The following RIPPLY2 variants were observed in gnomAD, a reference collection of about 807,000 sequenced individuals.
RIPPLY2 encodes the protein protein ripply2.
Under a neutral mutation model 17.7 loss-of-function variants are expected in RIPPLY2, and 20 were observed. That is an observed-to-expected ratio of 1.13 (90% confidence interval 0.79 to 1.64). RIPPLY2 has a LOEUF of 1.64. Ranked by LOEUF, RIPPLY2 falls within the 40% of genes most tolerant of loss-of-function variation. The pLI is 0.00. For synonymous variants in RIPPLY2, 69 were observed against 63.9 expected (o/e 1.08, Z -0.38); for missense variants, 213 against 169.8 (o/e 1.25, Z -1.41).
rs2099454512 is a variant in RIPPLY2, at chr6:83,853,479, C to T, written c.63C>T (p.Asp21=). 1.9e-6 allele frequency: 3 copies of T among 1,538,730 alleles called. No individual in the cohort carries two copies. The highest frequency in any genetic ancestry group is 2.6e-6 in the Non-Finnish European group (3 of 1,145,114). The change falls in exon 1 of 4, where the codon GAC becomes GAT. Residue 21 remains aspartate (D), a synonymous_variant. Coordinates refer to ENST00000369689, the MANE Select transcript of RIPPLY2 (RefSeq NM_001009994.3). The part of the protein sequence containing the change: ...ESGAAACAAT[D]GPTRRAGADS... ...GAGCTGCGGCGTGCGCGGCCACCGA[C>T]GGCCCTACGCGGCGCGCGGGCGCGG...
intron 3 of RIPPLY2, chr6:83,856,247 A>G (rs188163357): frequency 6.6e-6 from 1 of 152,320 alleles, no homozygotes; most frequent in East Asian, 1.9e-4. Flanking sequence ...ATTGATAGTT[A>G]CTTGTTTAAG....
chr6:83,853,715 C>T lies in RIPPLY2; in HGVS notation c.116C>T (p.Pro39Leu), dbSNP rs750611873. The T allele has an allele frequency of 8.7e-6, 14 of 1,613,786 alleles. No individual in the cohort carries two copies. The highest frequency in any genetic ancestry group is 1.2e-5 in the Non-Finnish European group (14 of 1,179,940). ...CGCAGATACGCAGGCTTCTGGAGAC[C>T]CTGGGTGGACGCCGGAGGCAAGAAA... ...ADSGYAGFWR[P>L]WVDAGGKKEE... is the part of the protein sequence containing the mutation. The change falls in exon 2 of 4, where the codon CCC becomes CTC. Residue 39 changes from proline to leucine, a missense_variant. Physicochemically the swap from Pro to Leu is moderately conservative, Grantham distance 98. Coordinates refer to ENST00000369689, the MANE Select transcript of RIPPLY2 (RefSeq NM_001009994.3).
chr6:83,853,730 G>A lies in RIPPLY2; in HGVS notation c.131G>A (p.Gly44Glu), dbSNP rs892815020. Reference sequence around the variant, plus strand: ...TTCTGGAGACCCTGGGTGGACGCCGGAGGCAAGAAAGAAGAGGAGACGCCG... The same window carrying A: ...TTCTGGAGACCCTGGGTGGACGCCGAAGGCAAGAAAGAAGAGGAGACGCCG... ...AGFWRPWVDA[G>E]GKKEEETPNH... Residue 44 changes from glycine to glutamate, a missense_variant, in exon 2 of 4, where the codon GGA becomes GAA. By Grantham distance (98) the Gly-to-Glu change is moderately conservative (BLOSUM62 -2). Transcript: ENST00000369689. The A allele has an allele frequency of 2.5e-6, 4 of 1,613,650 alleles. No homozygotes were observed. Among genetic ancestry groups the A allele is most frequent in the African/African-American group, 1.3e-5 (1 of 74,936 alleles).
At chr6:83,857,114 G>C (rs2099455103) in intron 3 of RIPPLY2, 128 bp from the exon 4 acceptor site, 1 of 516,430 alleles carries the variant, frequency 1.9e-6, no homozygotes. Flanking sequence ...TTTTAACTCT[G>C]TATCTTAAGG....
At chr6:83,853,662 C>G (rs533306313) in intron 1 of RIPPLY2, 33 bp from the exon 2 acceptor site, 1 of 1,605,386 alleles carries the variant, frequency 6.2e-7, no homozygotes, top group Non-Finnish European at 8.5e-7. Context: ...GCTCACGTCT[C>G]CTCTGCGCGC....
At chr6:83,853,624 C>A (rs370111313) in intron 1 of RIPPLY2, 71 bp from the exon 2 acceptor site, 186 of 1,566,432 alleles carry the variant, frequency 1.2e-4, no homozygotes, top group East Asian at 5.7e-4. Context: ...TGCCAGCGCT[C>A]GGCTTCGGTG....
At chr6:83,853,562 T>C in intron 1 of RIPPLY2, 51 bp downstream of exon 1, 1 of 1,532,870 alleles carries the variant, frequency 6.5e-7, no homozygotes, top group Non-Finnish European at 8.7e-7. Flanking sequence ...CGTCTCTCCC[T>C]CCTGCGCCTC....
At position 83,854,350 on chromosome 6, in the gene RIPPLY2, G is replaced by A. The variant is rs1410948008; in HGVS notation, c.239+189G>A. ...GTAGGGGCTCACGGTCCCACGTAAA[G>A]GGACTGTTGATGAATACATACTCAG... On this transcript the variant is annotated intron_variant, in intron 3 of 3. Transcript: ENST00000369689. 4 of 611,344 alleles carry A rather than the reference G, an allele frequency of 6.5e-6. No individual in the cohort carries two copies. In the South Asian group the frequency reaches 7.7e-5, roughly 12 times the overall value. 37.9% of individuals were successfully genotyped at this position (611,344 alleles called of 1,614,324 possible).
intron 1 of RIPPLY2, 27 bp from the exon 2 acceptor site, chr6:83,853,668 C>A (rs372265905): frequency 1.1e-4 from 172 of 1,606,696 alleles, no homozygotes; most frequent in Non-Finnish European, 1.2e-4. Context: ...GTCTCCTCTG[C>A]GCGCCTTGTG....
In RIPPLY2 at chr6:83,857,492, T is replaced by A. The variant is rs2099455180; in HGVS notation, c.*103T>A. ...AACTAATTTATTTGTATATAAATTA[T>A]TAATAAAATGAAATATTTTGTAATT... On this transcript the variant is annotated 3_prime_UTR_variant, in exon 4 of 4. Transcript: ENST00000369689. The A allele has an allele frequency of 1.6e-6, 1 of 609,036 alleles. No individual in the cohort carries two copies. Among genetic ancestry groups the A allele is most frequent in the African/African-American group, 1.9e-5 (1 of 51,296 alleles). The allele number at this position is 609,036 out of a possible 1,614,324, so 37.7% of individuals were successfully genotyped here. A position where few individuals can be genotyped will look rare whatever the true frequency, so the allele number is the denominator to read the frequency against.
chr6:83,856,163 T>G (rs1182191963), intron 3 of RIPPLY2: 1 of 152,236 alleles, frequency 6.6e-6, no homozygotes, highest in Non-Finnish European at 1.5e-5. Flanking sequence ...GTAGGGACCA[T>G]GATTTATTCA....
chr6:83,857,342 G>T lies in RIPPLY2; in HGVS notation c.340G>T (p.Asp114Tyr). 1 of 1,584,562 alleles carries T rather than the reference G, an allele frequency of 6.3e-7. No homozygotes were observed. The highest frequency in any genetic ancestry group is 8.5e-7 in the Non-Finnish European group (1 of 1,170,678). The stretch of plus-strand genomic sequence containing the variant: ...TCAAGCCACAATTTCATTTTATGAA[G>T]ATTCTGATAGCGAAGATGAAATTGA... ...PIQATISFYE[D>Y]SDSEDEIEDL... Residue 114 changes from aspartate (D) to tyrosine (Y), a missense_variant, in exon 4 of 4, where the codon GAT becomes TAT. Coordinates refer to ENST00000369689, the MANE Select transcript of RIPPLY2 (RefSeq NM_001009994.3).
At position 83,857,346 on chromosome 6, in the gene RIPPLY2, C is replaced by T; in HGVS notation, c.344C>T (p.Ser115Phe). The T allele has an allele frequency of 6.3e-7, 1 of 1,584,502 alleles. No homozygotes were observed. Among genetic ancestry groups the T allele is most frequent in the Non-Finnish European group, 8.5e-7 (1 of 1,170,596 alleles). Reference sequence around the variant, plus strand: ...GCCACAATTTCATTTTATGAAGATTCTGATAGCGAAGATGAAATTGAGGAT... The same window carrying T: ...GCCACAATTTCATTTTATGAAGATTTTGATAGCGAAGATGAAATTGAGGAT... ...IQATISFYED[S>F]DSEDEIEDLT... The change falls in exon 4 of 4, where the codon TCT becomes TTT. Residue 115 changes from serine (S) to phenylalanine (F), a missense_variant. Transcript: ENST00000369689.
rs567815047 is a variant in RIPPLY2, at chr6:83,856,586, A to G, written c.240-656A>G. On this transcript the variant is annotated intron_variant, in intron 3 of 3. Coordinates refer to ENST00000369689, the MANE Select transcript of RIPPLY2 (RefSeq NM_001009994.3). ...AACATATATAATTTCTCAACATTTCATATGATATTCACAAATTTAGTTGAA... is the reference window on the plus strand; with the variant it reads ...AACATATATAATTTCTCAACATTTCGTATGATATTCACAAATTTAGTTGAA... The G allele has an allele frequency of 2.0e-5, 3 of 152,348 alleles. No homozygotes were observed. In the South Asian group the frequency reaches 6.2e-4, roughly 32 times the overall value. 9.4% of individuals were successfully genotyped at this position (152,348 alleles called of 1,614,324 possible).
intron 2 of RIPPLY2, 77 bp downstream of exon 2, chr6:83,853,850 T>C: frequency 7.6e-7 from 1 of 1,323,506 alleles, no homozygotes; most frequent in Non-Finnish European, 1.1e-6. Context: ...ACGCAGGGCC[T>C]GAGAGAGACA....
In RIPPLY2 at chr6:83,853,511, G is replaced by C; in HGVS notation, c.95G>C (p.Gly32Ala). Reference protein sequence around the residue: ...GPTRRAGADSGYAGFWRPWVD... With the variant: ...GPTRRAGADSAYAGFWRPWVD... ...ACGCGGCGCGCGGGCGCGGACTCCG[G>C]GTAGGCTTCCCCGCGCTGCTCTGCG... is the stretch of plus-strand genomic sequence containing the variant. Residue 32 changes from glycine to alanine, a missense_variant and splice_region_variant, in exon 1 of 4, where the codon GGA becomes GCA. Gly to Ala is a moderately conservative substitution (Grantham distance 60, BLOSUM62 0). Transcript: ENST00000369689. 6.5e-7 allele frequency: 1 copy of C among 1,538,468 alleles called. No individual in the cohort carries two copies. The highest frequency in any genetic ancestry group is 8.7e-7 in the Non-Finnish European group (1 of 1,145,554).
Position 83,853,508 on chromosome 6 carries a change from C to A in RIPPLY2, c.92C>A (p.Ser31Tyr). 1 of 1,538,440 alleles carries A rather than the reference C, an allele frequency of 6.5e-7. No individual in the cohort carries two copies. Among genetic ancestry groups the A allele is most frequent in the Non-Finnish European group, 8.7e-7 (1 of 1,145,442 alleles). The change falls in exon 1 of 4, where the codon TCC becomes TAC. Residue 31 changes from serine (S) to tyrosine (Y), a missense_variant. By Grantham distance (144) the Ser-to-Tyr change is moderately radical (BLOSUM62 -2). Coordinates refer to ENST00000369689, the MANE Select transcript of RIPPLY2 (RefSeq NM_001009994.3). ...DGPTRRAGAD[S>Y]GYAGFWRPWV... The stretch of plus-strand genomic sequence containing the variant: ...CCTACGCGGCGCGCGGGCGCGGACT[C>A]CGGGTAGGCTTCCCCGCGCTGCTCT...
chr6:83,853,589 CA>C, intron 1 of RIPPLY2, 78 bp downstream of exon 1: 1 of 1,539,730 alleles, frequency 6.5e-7, no homozygotes, highest in Non-Finnish European at 8.7e-7. Context: ...TCCTCCCCTC[CA>C]ACTCTCCATC....
At chr6:83,854,027 TG>T in intron 2 of RIPPLY2, 69 bp from the exon 3 acceptor site, 2 of 1,431,118 alleles carry the variant, frequency 1.4e-6, no homozygotes, top group Non-Finnish European at 2.0e-6. Context: ...CGAGGAACAC[TG>T]GGTCGTGCAC....
Sources: allele counts gnomAD v4.1 joint callset, GRCh38; gene constraint gnomAD v4.1.1; transcripts MANE v1.5; gene names NCBI Gene and HGNC (gene_info 2026-07-23, HGNC 2026-07-21).